Variants in RPA3 observed in about 807,000 individuals in gnomAD.
The protein encoded by RPA3 is replication protein A3.
A neutral mutation model predicts 13.7 loss-of-function variants in RPA3; 24 were observed. That is an observed-to-expected ratio of 1.75 (90% CI 1.27 to 2.46). The LOEUF (loss-of-function observed/expected upper bound fraction) is 2.46, where lower values mean the gene tolerates loss of function less well. RPA3 is among the 30% of genes most tolerant of loss of function. The pLI is 0.00. For synonymous variants in RPA3, 59 were observed against 51.2 expected (o/e 1.15, Z -0.65); for missense variants, 183 against 151.0 (o/e 1.21, Z -1.11).
At chr7:7,709,958 C>G (rs544863087) in intron 2 of RPA3, among the ~76,000 whole-genome samples, 1 of 151,982 alleles carries the variant, frequency 6.6e-6, no homozygotes, top group African/African-American at 2.4e-5. Context: ...TTTGGGGTCT[C>G]TTTTTAAATA....
intron 4 of RPA3, among the ~76,000 whole-genome samples, chr7:7,645,800 T>A (rs1366362845): frequency 6.8e-6 from 1 of 146,136 alleles, no homozygotes; most frequent in African/African-American, 2.6e-5. Flanking sequence ...TTTGATTTGC[T>A]GTTGTTTTTG....
At chr7:7,663,770 A>G (rs7800719) in intron 4 of RPA3, among the ~76,000 whole-genome samples, 99,218 of 151,956 alleles carry the variant, frequency 0.65, 32,632 homozygotes, top group East Asian at 0.87. Flanking sequence ...CCCCGGGGCA[A>G]TAACGAATGC....
In RPA3 at chr7:7,636,908, G is replaced by C. The variant is rs1278323436; in HGVS notation, c.*92C>G. 2 of 930,538 alleles carry C rather than the reference G, an allele frequency of 2.1e-6. No homozygotes were observed. The highest frequency in any genetic ancestry group is 1.7e-5 in the African/African-American group (1 of 59,702). The allele number at this position is 930,538 out of a possible 1,614,324, so 57.6% of individuals were successfully genotyped here. A position where few individuals can be genotyped will look rare whatever the true frequency, so the allele number is the denominator to read the frequency against. ...CTTAAAAACAGCAAATTAAATATGA[G>C]AAAGCACAGAAATCTCTCCCTCAAA... On this transcript the variant is annotated 3_prime_UTR_variant, in exon 8 of 8. Transcript: ENST00000223129.
At chr7:7,668,195 A>G (rs947075324) in intron 4 of RPA3, among the ~76,000 whole-genome samples, 6 of 152,022 alleles carry the variant, frequency 3.9e-5, no homozygotes, top group African/African-American at 1.4e-4. Context: ...TTACAGGTGT[A>G]AGCCACCATG....
At chr7:7,652,526 T>A (rs1563085925) in intron 4 of RPA3, among the ~76,000 whole-genome samples, 1 of 152,248 alleles carries the variant, frequency 6.6e-6, no homozygotes, top group Non-Finnish European at 1.5e-5. Context: ...GGTTAATGCA[T>A]GGTTGATGCT....
chr7:7,675,056 G>T (rs1412677605), intron 4 of RPA3, among the ~76,000 whole-genome samples: 1 of 151,770 alleles, frequency 6.6e-6, no homozygotes. Context: ...ATAGAGATGG[G>T]GTCTTGCCAT....
chr7:7,695,653 C>A (rs1447512219), intron 2 of RPA3, among the ~76,000 whole-genome samples: 1 of 152,088 alleles, frequency 6.6e-6, no homozygotes, highest in Non-Finnish European at 1.5e-5. Context: ...CACACCATGG[C>A]CCTGAATTAA....
chr7:7,642,438 TGTGA>T (rs1445522488), intron 4 of RPA3, among the ~76,000 whole-genome samples: 4 of 150,142 alleles, frequency 2.7e-5, no homozygotes, highest in Non-Finnish European at 5.9e-5. Flanking sequence ...GAATTACAGG[TGTGA>T]GCCTTGGTGC....
intron 4 of RPA3, among the ~76,000 whole-genome samples, chr7:7,671,175 G>T (rs939083865): frequency 6.6e-6 from 1 of 152,174 alleles, no homozygotes; most frequent in Non-Finnish European, 1.5e-5. Flanking sequence ...AAATTTTGTT[G>T]GTTTCTTATC....
intron 2 of RPA3, among the ~76,000 whole-genome samples, chr7:7,703,821 A>G (rs529546722): frequency 6.6e-6 from 1 of 152,222 alleles, no homozygotes; most frequent in South Asian, 2.1e-4. Context: ...GTGCCCCTGT[A>G]GTCCCAGCTA....
At chr7:7,643,602 C>G (rs1005486869) in intron 4 of RPA3, among the ~76,000 whole-genome samples, 3 of 151,998 alleles carry the variant, frequency 2.0e-5, no homozygotes, top group Non-Finnish European at 4.4e-5. Context: ...GTCCCAGCTA[C>G]TCGGGAGGCT....
intron 4 of RPA3, among the ~76,000 whole-genome samples, chr7:7,644,219 T>C (rs1477400799): frequency 6.6e-6 from 1 of 152,202 alleles, no homozygotes; most frequent in Non-Finnish European, 1.5e-5. Flanking sequence ...TTATTGGTTA[T>C]TTATGTTTAT....
At position 7,689,297 on chromosome 7, in the gene RPA3, CTGA is replaced by C. The variant is rs769057605; in HGVS notation, c.-1027-1972_-1027-1970del. On this transcript the variant is annotated intron_variant, in intron 2 of 7. Transcript: ENST00000223129. Reference sequence around the variant, plus strand: ...CAGTTATTTGATCTGGATGAAATGGCTGATGATGTTTTATCTATCATTGCCAAC... The same window carrying C: ...CAGTTATTTGATCTGGATGAAATGGCTGATGTTTTATCTATCATTGCCAAC... 4.6e-5 allele frequency: 7 copies of C among 152,268 alleles called. No homozygotes were observed. The South Asian group carries it at 1.2e-3, about 27-fold the overall frequency. The allele number at this position is 152,268 out of a possible 1,614,324, so 9.4% of individuals were successfully genotyped here. A position where few individuals can be genotyped will look rare whatever the true frequency, so the allele number is the denominator to read the frequency against.
chr7:7,664,201 C>G (rs1409014999), intron 4 of RPA3, among the ~76,000 whole-genome samples: 1 of 151,862 alleles, frequency 6.6e-6, no homozygotes, highest in African/African-American at 2.4e-5. Flanking sequence ...AGATAAAGTC[C>G]CCTACTTTTC....
chr7:7,661,807 G>T (rs367870859), intron 4 of RPA3, among the ~76,000 whole-genome samples: 1 of 152,216 alleles, frequency 6.6e-6, no homozygotes, highest in African/African-American at 2.4e-5. Context: ...TGAGGAGGCA[G>T]TCTGACCCTT....
intron 2 of RPA3, among the ~76,000 whole-genome samples, chr7:7,695,198 C>T (rs11508478): frequency 0.45 from 68,729 of 151,968 alleles, 16,114 homozygotes; most frequent in African/African-American, 0.57. Flanking sequence ...TTGAGAAGCT[C>T]GCTGTTTCCA....
chr7:7,671,107 C>T (rs1470606982), intron 4 of RPA3, among the ~76,000 whole-genome samples: 1 of 152,140 alleles, frequency 6.6e-6, no homozygotes, highest in African/African-American at 2.4e-5. Context: ...TTTAAGCATT[C>T]AATAATCATA....
At chr7:7,673,398 G>A (rs1779660614) in intron 4 of RPA3, 4 of 1,173,558 alleles carry the variant, frequency 3.4e-6, no homozygotes, top group Non-Finnish European at 4.9e-6. Context: ...GAAAGCCTCC[G>A]GAATCTAAAA....
Position 7,637,920 on chromosome 7 carries a change from T to G in RPA3, c.227A>C (p.Lys76Thr), listed in dbSNP as rs888787358. 6.2e-7 allele frequency: 1 copy of G among 1,613,638 alleles called. No homozygotes were observed. The highest frequency in any genetic ancestry group is 8.5e-7 in the Non-Finnish European group (1 of 1,179,800). Residue 76 changes from lysine (K) to threonine (T), a missense_variant, in exon 7 of 8, where the codon AAG becomes ACG. By Grantham distance (78) the Lys-to-Thr change is moderately conservative. Coordinates refer to ENST00000223129, the MANE Select transcript of RPA3 (RefSeq NM_002947.5). ...ATAAGATGTACACAAGATGGTGGCCTTGGCGGTTACTCTTCCAACCACTTC... is the reference window on the plus strand; with the variant it reads ...ATAAGATGTACACAAGATGGTGGCCGTGGCGGTTACTCTTCCAACCACTTC... Reference protein sequence around the residue: ...IVEVVGRVTAKATILCTSYVQ... With the variant: ...IVEVVGRVTATATILCTSYVQ...
Sources: allele counts gnomAD v4.1 joint callset (sites outside exome capture counted in the v4.1 genomes callset), GRCh38; gene constraint gnomAD v4.1.1; transcripts MANE v1.5; gene names NCBI Gene and HGNC (gene_info 2026-07-23, HGNC 2026-07-21).